TBC1D24: variants seen among roughly 807,000 people sequenced by gnomAD.
TBC1D24 encodes TBC1 domain family member 24, also known as Infantile myoclonic epilepsy.
In TBC1D24, 47 loss-of-function variants were observed where a neutral mutation model predicts 50.7. The ratio of observed to expected loss-of-function variants is 0.93; its 90% CI spans 0.73 to 1.18. The LOEUF (loss-of-function observed/expected upper bound fraction) is 1.18, where lower values mean the gene tolerates loss of function less well. TBC1D24 is among the 50% of genes most tolerant of loss of function. TBC1D24 has a pLI of 0.00. For missense variants in TBC1D24, 688 were observed against 766.5 expected, an observed-to-expected ratio of 0.90 and a Z score of 1.21; for synonymous variants, 324 against 335.2, an observed-to-expected ratio of 0.97 and a Z score of 0.36.
rs1021262169 is a variant in TBC1D24 at position 2,486,041 on chromosome 16, G to T, written c.-115-9993G>T. On this transcript the variant is annotated intron_variant, in intron 1 of 7. Coordinates refer to ENST00000646147, the MANE Select transcript of TBC1D24 (RefSeq NM_001199107.2). This position sits in a 1 kb window ranked among gnomAD's most constrained non-coding sequence, Gnocchi z 5.8. ...TGGAATGCCTGTGCTGCCCTCCCCT[G>T]CCTGGCGGGTGGGGTCGGTGCTCAG... 6.6e-6 allele frequency among the ~76,000 whole-genome samples: 1 copy of T among 152,212 alleles called. No individual in the cohort carries two copies. Among genetic ancestry groups the T allele is most frequent in the Non-Finnish European group, 1.5e-5 (1 of 68,024 alleles).
At chr16:2,484,607 A>C (rs567628999) in intron 1 of TBC1D24, 1 of 152,272 alleles carries the variant, frequency 6.6e-6, no homozygotes, top group African/African-American at 2.4e-5. Flanking sequence ...CCAGGCACCT[A>C]GGAGGCACTC....
At position 2,496,519 on chromosome 16, in the gene TBC1D24, A is replaced by G; in HGVS notation, c.371A>G (p.Gln124Arg). Residue 124 changes from glutamine (Q) to arginine (R), a missense_variant, in exon 2 of 8, where the codon CAG (glutamine) becomes CGG (arginine). Transcript: ENST00000646147. The stretch of plus-strand genomic sequence containing the variant: ...AAGATCCTCCTGTGCCTGGCCAACC[A>G]GTTCCCCGACATCTCCTTCTGCCCC... ...VRKILLCLAN[Q>R]FPDISFCPAL... is the part of the protein sequence containing the mutation. The G allele has an allele frequency of 6.2e-7, 1 of 1,609,038 alleles. No individual in the cohort carries two copies. Among genetic ancestry groups the G allele is most frequent in the African/African-American group, 1.3e-5 (1 of 75,054 alleles).
Position 2,496,715 on chromosome 16 carries a change from G to A in TBC1D24, c.567G>A (p.Lys189=). 6.2e-7 allele frequency: 1 copy of A among 1,613,688 alleles called. No homozygotes were observed. The highest frequency in any genetic ancestry group is 1.7e-5 in the Admixed American group (1 of 60,028). Residue 189 remains lysine, a synonymous_variant, in exon 2 of 8, where the codon AAG becomes AAA. Transcript: ENST00000646147. ...TGACGTTTGGGGACCTGGTGAACAA[G>A]TACTGCCAGGCGGCCCACAAGCTGA... The part of the protein sequence containing the change: ...SCMTFGDLVN[K]YCQAAHKLMV...
Position 2,504,603 on chromosome 16 carries a change from T to G in TBC1D24, c.*3645T>G, listed in dbSNP as rs1289819254. 6.6e-6 allele frequency: 1 copy of G among 151,944 alleles called. No individual in the cohort carries two copies. Among genetic ancestry groups the G allele is most frequent in the African/African-American group, 2.4e-5 (1 of 41,330 alleles). 9.4% of individuals were successfully genotyped at this position (151,944 alleles called of 1,614,324 possible). A position where few individuals can be genotyped will look rare whatever the true frequency, so the allele number is the denominator to read the frequency against. Reference sequence around the variant, plus strand: ...CCGGCTAATTTTTTTATATTTTTAGTAGAGATGGGGTTTCACCGTGTTAGC... The same window carrying G: ...CCGGCTAATTTTTTTATATTTTTAGGAGAGATGGGGTTTCACCGTGTTAGC... On this transcript the variant is annotated 3_prime_UTR_variant, in exon 8 of 8. Transcript: ENST00000646147.
intron 1 of TBC1D24, chr16:2,484,661 C>G (rs556574655): frequency 3.3e-5 from 5 of 152,516 alleles, no homozygotes; most frequent in South Asian, 4.1e-4. Flanking sequence ...AGTGCACAGA[C>G]AAGTCCAGTG....
chr16:2,477,933 T>C (rs1453694812), intron 1 of TBC1D24: 2 of 152,282 alleles, frequency 1.3e-5, no homozygotes, highest in Non-Finnish European at 2.9e-5. Flanking sequence ...AGAAGGGCAG[T>C]GGTGGCCCCA....
chr16:2,501,139 G>A lies in TBC1D24; in HGVS notation c.*181G>A. 1 of 766,192 alleles carries A rather than the reference G, an allele frequency of 1.3e-6. No homozygotes were observed. Among genetic ancestry groups the A allele is most frequent in the Non-Finnish European group, 2.1e-6 (1 of 483,014 alleles). 47.5% of individuals were successfully genotyped at this position (766,192 alleles called of 1,614,324 possible). A position where few individuals can be genotyped will look rare whatever the true frequency, so the allele number is the denominator to read the frequency against. On this transcript the variant is annotated 3_prime_UTR_variant, in exon 8 of 8. Coordinates refer to ENST00000646147, the MANE Select transcript of TBC1D24 (RefSeq NM_001199107.2). ...GCTGCCTCTACCTGGGGTTTGGGCTGGGCTTCCCCAGTCCACCTGCATCTG... is the reference window on the plus strand; with the variant it reads ...GCTGCCTCTACCTGGGGTTTGGGCTAGGCTTCCCCAGTCCACCTGCATCTG...
rs755856614 is a variant in TBC1D24 at position 2,498,443 on chromosome 16, G to T, written c.1142+47G>T. ...GCGGGCGGCAGAGCCGCCCAGCCAC[G>T]TGTCCTGCCCACAGAGGCTGGAAAT... On this transcript the variant is annotated intron_variant, in intron 4 of 7. Coordinates refer to ENST00000646147, the MANE Select transcript of TBC1D24 (RefSeq NM_001199107.2). The T allele has an allele frequency of 2.4e-5, 38 of 1,552,100 alleles. 1 individual carries two copies. The South Asian group carries it at 4.3e-4, about 18-fold the overall frequency.
In TBC1D24 at chr16:2,482,670, C is replaced by T. The variant is rs890077278; in HGVS notation, c.-116+7500C>T. 2.0e-5 allele frequency among the ~76,000 whole-genome samples: 3 copies of T among 152,030 alleles called. No individual in the cohort carries two copies. Among genetic ancestry groups the T allele is most frequent in the South Asian group, 2.1e-4 (1 of 4,824 alleles). ...GAGGCTGGGAGTGGGAGCTGAATTG[C>T]GCTGGAGTCACATGGAGTGTGAATG... On this transcript the variant is annotated intron_variant, in intron 1 of 7. Coordinates refer to ENST00000646147, the MANE Select transcript of TBC1D24 (RefSeq NM_001199107.2). This position sits in a 1 kb window ranked among gnomAD's most constrained non-coding sequence, Gnocchi z 5.2.
chr16:2,496,231 G>A lies in TBC1D24; in HGVS notation c.83G>A (p.Ser28Asn). The A allele has an allele frequency of 6.2e-7, 1 of 1,613,968 alleles. No homozygotes were observed. Among genetic ancestry groups the A allele is most frequent in the Non-Finnish European group, 8.5e-7 (1 of 1,180,044 alleles). Residue 28 changes from serine to asparagine, a missense_variant, in exon 2 of 8, where the codon AGC (serine) becomes AAC (asparagine). By Grantham distance (46) the Ser-to-Asn change is conservative. Transcript: ENST00000646147. ...CAGGACCTGGGGCCCAAGGAGCTGAGCTGCACTGAACTGCAGGAACTGAAG... is the reference window on the plus strand; with the variant it reads ...CAGGACCTGGGGCCCAAGGAGCTGAACTGCACTGAACTGCAGGAACTGAAG... ...AIQDLGPKEL[S>N]CTELQELKQL...
intron 1 of TBC1D24, among the ~76,000 whole-genome samples, chr16:2,476,125 C>T (rs183415966): frequency 1.6e-3 from 239 of 152,346 alleles, no homozygotes; most frequent in African/African-American, 4.7e-3. Context: ...CCCTGTTTTG[C>T]TGTGTTTGCT....
rs1224665663 is a variant in TBC1D24 at position 2,475,548 on chromosome 16, G to C, written c.-116+378G>C. ...GGGTCGGAAATCCTCTTGGGGGCTCGGTGAGATTGCAACAGATTCTGATAC... is the reference window on the plus strand; with the variant it reads ...GGGTCGGAAATCCTCTTGGGGGCTCCGTGAGATTGCAACAGATTCTGATAC... On this transcript the variant is annotated intron_variant, in intron 1 of 7. Transcript: ENST00000646147. The surrounding 1 kb of genome is among the most constrained non-coding windows in gnomAD (Gnocchi z 4.2). 6.6e-6 allele frequency among the ~76,000 whole-genome samples: 1 copy of C among 152,030 alleles called. No homozygotes were observed. The highest frequency in any genetic ancestry group is 6.5e-5 in the Admixed American group (1 of 15,290).
Position 2,496,324 on chromosome 16 carries a change from T to C in TBC1D24, c.176T>C (p.Ile59Thr). The C allele has an allele frequency of 6.2e-7, 1 of 1,613,616 alleles. No individual in the cohort carries two copies. The highest frequency in any genetic ancestry group is 8.5e-7 in the Non-Finnish European group (1 of 1,180,030). Reference protein sequence around the residue: ...ALRGKVYQRLIRDIPCRTVTP... With the variant: ...ALRGKVYQRLTRDIPCRTVTP... ...CGGGGAAAGGTGTACCAGCGCCTGA[T>C]CCGGGACATTCCCTGCCGCACGGTC... Residue 59 changes from isoleucine (I) to threonine (T), a missense_variant, in exon 2 of 8, where the codon ATC becomes ACC. Transcript: ENST00000646147.
rs554825123 is a variant in TBC1D24, at chr16:2,499,728, A to G, written c.1207-107A>G. ...CCTGGGGTGGGGGTGGGAGACGGCAATGCCTGCACCCCCACCTGTGACCTG... is the reference window on the plus strand; with the variant it reads ...CCTGGGGTGGGGGTGGGAGACGGCAGTGCCTGCACCCCCACCTGTGACCTG... On this transcript the variant is annotated intron_variant, in intron 5 of 7. Transcript: ENST00000646147. This position sits in a 1 kb window ranked among gnomAD's most constrained non-coding sequence, Gnocchi z 4.0. 2 of 1,011,048 alleles carry G rather than the reference A, an allele frequency of 2.0e-6. No individual in the cohort carries two copies. The highest frequency in any genetic ancestry group is 1.7e-5 in the Admixed American group (1 of 58,846). 62.6% of individuals were successfully genotyped at this position (1,011,048 alleles called of 1,614,324 possible). A position where few individuals can be genotyped will look rare whatever the true frequency, so the allele number is the denominator to read the frequency against.
rs1250383165 is a variant in TBC1D24, at chr16:2,500,805, G to A, written c.1527G>A (p.Gly509=). Residue 509 remains glycine (G), a splice_region_variant and synonymous_variant, in exon 8 of 8, where the codon GGG becomes GGA. Coordinates refer to ENST00000646147, the MANE Select transcript of TBC1D24 (RefSeq NM_001199107.2). This position sits in a 1 kb window ranked among gnomAD's most constrained non-coding sequence, Gnocchi z 8.0. The stretch of plus-strand genomic sequence containing the variant: ...GCCACTGACCTGAGCATCCTGCAGG[G>A]GGAGGAGGCGGCCAGGCGCTCTACA... ...MAGGSDCLIV[G]GGGGQALYID... is the part of the protein sequence containing the mutation. 5.0e-6 allele frequency: 8 copies of A among 1,603,802 alleles called. No homozygotes were observed. The highest frequency in any genetic ancestry group is 5.9e-6 in the Non-Finnish European group (7 of 1,179,504).
chr16:2,492,697 C>A (rs1306545193), intron 1 of TBC1D24, among the ~76,000 whole-genome samples: 2 of 152,158 alleles, frequency 1.3e-5, no homozygotes, highest in African/African-American at 2.4e-5. Flanking sequence ...AAAGGGGGAG[C>A]CCTCACTGCC....
chr16:2,499,341 CGT>C lies in TBC1D24; in HGVS notation c.1143-13_1143-12del, dbSNP rs2065770690. 1 of 1,610,152 alleles carries C rather than the reference CGT, an allele frequency of 6.2e-7. No homozygotes were observed. The stretch of plus-strand genomic sequence containing the variant: ...GGTGTGCAGGGTGACAGCTGGCATG[CGT>C]GTCTCTACGCCAGGTTCTACTTCCA... On this transcript the variant is annotated splice_polypyrimidine_tract_variant and intron_variant, in intron 4 of 7. Transcript: ENST00000646147. This position sits in a 1 kb window ranked among gnomAD's most constrained non-coding sequence, Gnocchi z 4.0.
chr16:2,496,919 G>A lies in TBC1D24; in HGVS notation c.771G>A (p.Gly257=). ...AGTTCTTCCACAAGGTGAGGGCCGG[G>A]CAGCCGCTGGAGTCGGACAGCGTGA... The part of the protein sequence containing the change: ...ILKFFHKVRA[G]QPLESDSVKQ... The change falls in exon 2 of 8, where the codon GGG becomes GGA. Residue 257 remains glycine (G), a synonymous_variant. Coordinates refer to ENST00000646147, the MANE Select transcript of TBC1D24 (RefSeq NM_001199107.2). 6.2e-7 allele frequency: 1 copy of A among 1,614,010 alleles called. No homozygotes were observed. The highest frequency in any genetic ancestry group is 8.5e-7 in the Non-Finnish European group (1 of 1,180,044).
intron 1 of TBC1D24, among the ~76,000 whole-genome samples, chr16:2,491,040 C>T (rs2065691304): frequency 6.6e-6 from 1 of 152,214 alleles, no homozygotes; most frequent in Non-Finnish European, 1.5e-5. Context: ...ATAAGTGCTC[C>T]AGCCTGGGAT....
Sources: allele counts gnomAD v4.1 joint callset (sites outside exome capture counted in the v4.1 genomes callset), GRCh38; gene constraint gnomAD v4.1.1; non-coding constraint Gnocchi (gnomAD v3.1); transcripts MANE v1.5; gene names NCBI Gene and HGNC (gene_info 2026-07-23, HGNC 2026-07-21).